LOXL3: variants seen among roughly 807,000 people sequenced by gnomAD.
LOXL3 encodes lysyl oxidase like 3.
A neutral mutation model predicts 91.8 loss-of-function variants in LOXL3; 60 were observed. That is an observed-to-expected ratio of 0.65 (90% CI 0.53 to 0.81). LOXL3 has a LOEUF of 0.81. Ranked by LOEUF, LOXL3 falls within the 30% of genes least tolerant of loss-of-function variation. The probability of loss-of-function intolerance (pLI) is 0.00; values close to 1 mark genes in which losing one functional copy is unlikely to be tolerated. For missense variants in LOXL3, 874 were observed against 1,000.4 expected, an observed-to-expected ratio of 0.87 and a Z score of 1.70; for synonymous variants, 355 against 387.6, an observed-to-expected ratio of 0.92 and a Z score of 0.99.
Position 74,549,631 on chromosome 2 carries a change from A to C in LOXL3, c.478-48T>G. ...GGAAAGAATCCCAGTGGCACCTTTC[A>C]TGTGTCCCGCCGCCCTTAAGGAACC... On this transcript the variant is annotated intron_variant, in intron 3 of 13. Coordinates refer to ENST00000264094, the MANE Select transcript of LOXL3 (RefSeq NM_032603.5). The surrounding 1 kb of genome is among the most constrained non-coding windows in gnomAD (Gnocchi z 5.3). 2 of 1,559,812 alleles carry C rather than the reference A, an allele frequency of 1.3e-6. No individual in the cohort carries two copies. Among genetic ancestry groups the C allele is most frequent in the South Asian group, 1.2e-5 (1 of 84,890 alleles).
intron 4 of LOXL3, among the ~76,000 whole-genome samples, chr2:74,538,627 G>A (rs1416733543): frequency 6.6e-6 from 1 of 152,160 alleles, no homozygotes. Context: ...GAGAGGCAGG[G>A]GCTGTCAATC....
chr2:74,535,611 C>T lies in LOXL3; in HGVS notation c.1393G>A (p.Gly465Ser). Residue 465 changes from glycine to serine, a missense_variant, in exon 8 of 14, where the codon GGC (glycine) becomes AGC (serine). Coordinates refer to ENST00000264094, the MANE Select transcript of LOXL3 (RefSeq NM_032603.5). The surrounding 1 kb of genome is among the most constrained non-coding windows in gnomAD (Gnocchi z 4.2). ...AMVACRQLGL[G>S]YANHGLQETW... ...ACCTGCAGGCCGTGGTTGGCGTAGC[C>T]CAGACCCAGTTGCCTACAGGCCACC... 6.2e-7 allele frequency: 1 copy of T among 1,614,120 alleles called. No homozygotes were observed. Among genetic ancestry groups the T allele is most frequent in the Non-Finnish European group, 8.5e-7 (1 of 1,180,036 alleles).
At position 74,550,268 on chromosome 2, in the gene LOXL3, T is replaced by C. The variant is rs376265928; in HGVS notation, c.394A>G (p.Ser132Gly). 94 of 1,614,054 alleles carry C rather than the reference T, an allele frequency of 5.8e-5. No individual in the cohort carries two copies. The highest frequency in any genetic ancestry group is 7.6e-5 in the Non-Finnish European group (90 of 1,180,028). Residue 132 changes from serine (S) to glycine (G), a missense_variant, in exon 3 of 14, where the codon AGT becomes GGT. By Grantham distance (56) the Ser-to-Gly change is moderately conservative. Transcript: ENST00000264094. ...GCATCCTCATCGTGCGTACAGTCAC[T>C]GTTCCCCCAGCCCCGGGAGGCACAT... is the stretch of plus-strand genomic sequence containing the variant. ...TECASRGWGN[S>G]DCTHDEDAGV...
At chr2:74,554,617 C>G, upstream of LOXL3, 2 of 770,440 alleles carry the variant, frequency 2.6e-6, no homozygotes, top group Non-Finnish European at 4.2e-6. The surrounding 1 kb of genome is among the most constrained non-coding windows in gnomAD (Gnocchi z 4.9). Flanking sequence ...GCTCCTCTCC[C>G]TCACCCCACC....
upstream of LOXL3, chr2:74,554,632 CCCCCCCAGCG>C (rs1677264378): frequency 2.3e-6 from 2 of 884,150 alleles, no homozygotes; most frequent in Admixed American, 2.7e-5. This position sits in a 1 kb window ranked among gnomAD's most constrained non-coding sequence, Gnocchi z 4.9. Flanking sequence ...CCCACCGCGA[CCCCCCCAGCG>C]GCTGCCGGCG....
chr2:74,548,652 C>T (rs770320192), intron 4 of LOXL3, among the ~76,000 whole-genome samples: 2 of 152,126 alleles, frequency 1.3e-5, no homozygotes, highest in Non-Finnish European at 2.9e-5. Context: ...CTGTCAATGG[C>T]AGTTTCTCAA....
rs779845414 is a variant in LOXL3, at chr2:74,534,306, C to A, written c.1939+10G>T. Reference sequence around the variant, plus strand: ...GGATACCATGTGGTTCACTTCAGTCCCCAACTCACCCTCCTGACACTCAGT... The same window carrying A: ...GGATACCATGTGGTTCACTTCAGTCACCAACTCACCCTCCTGACACTCAGT... On this transcript the variant is annotated intron_variant, in intron 11 of 13. Coordinates refer to ENST00000264094, the MANE Select transcript of LOXL3 (RefSeq NM_032603.5). 2.5e-6 allele frequency: 4 copies of A among 1,614,046 alleles called. No homozygotes were observed. In the East Asian group the frequency reaches 8.9e-5, roughly 36 times the overall value.
rs1675776511 is a variant in LOXL3, at chr2:74,533,489, T to G, written c.*117A>C. ...CTGCTTGACAGTTCCACATCCATAG[T>G]GCATGGTCTGATGAGTGCGGTTGCT... On this transcript the variant is annotated 3_prime_UTR_variant, in exon 14 of 14. Transcript: ENST00000264094. 5 of 831,788 alleles carry G rather than the reference T, an allele frequency of 6.0e-6. No homozygotes were observed. The South Asian group carries it at 7.8e-5, about 13-fold the overall frequency. 51.5% of individuals were successfully genotyped at this position (831,788 alleles called of 1,614,324 possible).
In LOXL3 at chr2:74,534,107, A is replaced by T. The variant is rs374003067; in HGVS notation, c.2069T>A (p.Ile690Asn). ...GCCCCAGACTCCAGGTACCTGGAGA[A>T]TGTAGTTTCCTGGCTTCACATCCGT... ...DITDVKPGNY[I>N]LQVVINPNFE... The change falls in exon 12 of 14, where the codon ATT becomes AAT. Residue 690 changes from isoleucine to asparagine, a missense_variant. Physicochemically the swap from Ile to Asn is moderately radical, Grantham distance 149 (BLOSUM62 -3). Transcript: ENST00000264094. 5.6e-6 allele frequency: 9 copies of T among 1,614,034 alleles called. No individual in the cohort carries two copies. In the African/African-American group the frequency reaches 1.2e-4, roughly 22 times the overall value.
chr2:74,554,726 A>G (rs766878361), upstream of LOXL3: 14 of 1,597,326 alleles, frequency 8.8e-6, no homozygotes, highest in East Asian at 8.9e-5. This position sits in a 1 kb window ranked among gnomAD's most constrained non-coding sequence, Gnocchi z 4.9. Context: ...CCGCAGGGCC[A>G]GGAAGCGCGG....
Position 74,549,925 on chromosome 2 carries a change from G to A in LOXL3, c.477+260C>T. 1 of 985,476 alleles carries A rather than the reference G, an allele frequency of 1.0e-6. No individual in the cohort carries two copies. The highest frequency in any genetic ancestry group is 1.2e-6 in the Non-Finnish European group (1 of 829,928). The allele number at this position is 985,476 out of a possible 1,614,324, so 61.0% of individuals were successfully genotyped here. A position where few individuals can be genotyped will look rare whatever the true frequency, so the allele number is the denominator to read the frequency against. ...TCAGGAAAGCAGGAACATTTGAGGA[G>A]AAGGAGAGCACCAGGTGCCCCAGGG... is the stretch of plus-strand genomic sequence containing the variant. On this transcript the variant is annotated intron_variant, in intron 3 of 13. Transcript: ENST00000264094. The surrounding 1 kb of genome is among the most constrained non-coding windows in gnomAD (Gnocchi z 5.3).
intron 4 of LOXL3, among the ~76,000 whole-genome samples, chr2:74,546,193 C>T (rs908497745): frequency 6.6e-6 from 1 of 152,236 alleles, no homozygotes; most frequent in Admixed American, 6.5e-5. Context: ...TCACCTTTCA[C>T]TTTCTTTACG....
chr2:74,538,182 C>T (rs1676130690), intron 4 of LOXL3, among the ~76,000 whole-genome samples: 1 of 152,166 alleles, frequency 6.6e-6, no homozygotes, highest in Admixed American at 6.5e-5. Flanking sequence ...AAAAATACAT[C>T]TATCTTCTAA....
chr2:74,546,958 C>T (rs544270683), intron 4 of LOXL3, among the ~76,000 whole-genome samples: 37 of 152,170 alleles, frequency 2.4e-4, no homozygotes, highest in Admixed American at 2.6e-4. Context: ...TCAGGTGATC[C>T]GCGCCTCGAC....
At chr2:74,555,263 C>A, upstream of LOXL3, 1 of 1,613,958 alleles carries the variant, frequency 6.2e-7, no homozygotes, top group Non-Finnish European at 8.5e-7. The surrounding 1 kb of genome is among the most constrained non-coding windows in gnomAD (Gnocchi z 6.1). Flanking sequence ...CGAGGGAGCT[C>A]GCGCCGCCTG....
At position 74,550,302 on chromosome 2, in the gene LOXL3, A is replaced by G; in HGVS notation, c.360T>C (p.Ser120=). Residue 120 remains serine, a synonymous_variant, in exon 3 of 14, where the codon AGT becomes AGC. Coordinates refer to ENST00000264094, the MANE Select transcript of LOXL3 (RefSeq NM_032603.5). ...AGCCCCGGGAGGCACATTCAGTCAC[A>G]CTCTGCTCGGTCCCACTGCAGCTCA... ...DNLSCSGTEQ[S]VTECASRGWG... is the part of the protein sequence containing the mutation. 1 of 1,613,798 alleles carries G rather than the reference A, an allele frequency of 6.2e-7. No homozygotes were observed. The highest frequency in any genetic ancestry group is 8.5e-7 in the Non-Finnish European group (1 of 1,179,918).
chr2:74,535,141 T>C lies in LOXL3; in HGVS notation c.1579+151A>G. ...ATCCATCCGCCTTGGCCTCCTAAAG[T>C]GCTGGGATTACAGGCGTGAGCCACT... On this transcript the variant is annotated intron_variant, in intron 9 of 13. Coordinates refer to ENST00000264094, the MANE Select transcript of LOXL3 (RefSeq NM_032603.5). The surrounding 1 kb of genome is among the most constrained non-coding windows in gnomAD (Gnocchi z 4.2). 1 of 841,288 alleles carries C rather than the reference T, an allele frequency of 1.2e-6. No homozygotes were observed. The highest frequency in any genetic ancestry group is 1.8e-6 in the Non-Finnish European group (1 of 557,072). The allele number at this position is 841,288 out of a possible 1,614,324, so 52.1% of individuals were successfully genotyped here. A position where few individuals can be genotyped will look rare whatever the true frequency, so the allele number is the denominator to read the frequency against.
chr2:74,554,724 C>A, upstream of LOXL3: 1 of 1,609,978 alleles, frequency 6.2e-7, no homozygotes, highest in Non-Finnish European at 8.5e-7. The surrounding 1 kb of genome is among the most constrained non-coding windows in gnomAD (Gnocchi z 4.9). Flanking sequence ...CGCCGCAGGG[C>A]CAGGAAGCGC....
Position 74,535,156 on chromosome 2 carries a change from C to T in LOXL3, c.1579+136G>A, listed in dbSNP as rs372348417. Reference sequence around the variant, plus strand: ...CCTCCTAAAGTGCTGGGATTACAGGCGTGAGCCACTGCACCCGGCGAAACT... The same window carrying T: ...CCTCCTAAAGTGCTGGGATTACAGGTGTGAGCCACTGCACCCGGCGAAACT... On this transcript the variant is annotated intron_variant, in intron 9 of 13. Transcript: ENST00000264094. The surrounding 1 kb of genome is among the most constrained non-coding windows in gnomAD (Gnocchi z 4.2). 3 of 956,682 alleles carry T rather than the reference C, an allele frequency of 3.1e-6. No individual in the cohort carries two copies. Among genetic ancestry groups the T allele is most frequent in the Non-Finnish European group, 4.6e-6 (3 of 657,600 alleles). 59.3% of individuals were successfully genotyped at this position (956,682 alleles called of 1,614,324 possible).
Sources: allele counts gnomAD v4.1 joint callset (sites outside exome capture counted in the v4.1 genomes callset), GRCh38; gene constraint gnomAD v4.1.1; non-coding constraint Gnocchi (gnomAD v3.1); transcripts MANE v1.5; gene names NCBI Gene and HGNC (gene_info 2026-07-23, HGNC 2026-07-21).